The following SAMD5 variants were observed in gnomAD, a reference collection of about 807,000 sequenced individuals.
SAMD5 encodes the protein sterile alpha motif domain containing 5.
Under a neutral mutation model 11.3 loss-of-function variants are expected in SAMD5, and 13 were observed. The ratio of observed to expected loss-of-function variants is 1.15; its 90% CI spans 0.75 to 1.83. The LOEUF is 1.83. Ranked by LOEUF, SAMD5 falls within the 40% of genes most tolerant of loss-of-function variation. SAMD5 has a pLI of 0.00. For missense variants in SAMD5, 255 were observed against 239.1 expected (o/e 1.07, Z -0.44); for synonymous variants, 129 against 111.3 (o/e 1.16, Z -1.00).
intron 1 of SAMD5, among the ~76,000 whole-genome samples, chr6:147,703,858 C>G (rs944286710): frequency 2.0e-5 from 3 of 151,954 alleles, no homozygotes; most frequent in Non-Finnish European, 4.4e-5. Flanking sequence ...AGAAACACAC[C>G]TATTTATACT....
chr6:147,580,499 T>G (rs1372036458), intron 1 of SAMD5, among the ~76,000 whole-genome samples: 3 of 152,264 alleles, frequency 2.0e-5, no homozygotes, highest in African/African-American at 7.2e-5. Flanking sequence ...AGACTAGCAC[T>G]GTCAAATAGG....
At chr6:147,806,819 A>C in the SAMD5 span, among the ~76,000 whole-genome samples, 1 of 152,098 alleles carries the variant, frequency 6.6e-6, no homozygotes, top group East Asian at 1.9e-4. Flanking sequence ...ATATTTGAAG[A>C]TTGTATTTGG....
At chr6:147,526,371 G>A (rs1260531222) in intron 1 of SAMD5, among the ~76,000 whole-genome samples, 1 of 152,216 alleles carries the variant, frequency 6.6e-6, no homozygotes, top group African/African-American at 2.4e-5. Flanking sequence ...CTATGAATGT[G>A]CCCTAATGGA....
chr6:147,750,660 A>C, the SAMD5 span, among the ~76,000 whole-genome samples: 19 of 152,164 alleles, frequency 1.2e-4, no homozygotes, highest in African/African-American at 4.6e-4. Flanking sequence ...CACAGTGGCT[A>C]ACGCCTGTAA....
the SAMD5 span, among the ~76,000 whole-genome samples, chr6:147,758,691 C>A: frequency 3.9e-5 from 6 of 152,122 alleles, no homozygotes; most frequent in Non-Finnish European, 8.8e-5. Flanking sequence ...TACCTTCTCC[C>A]CAGTCAAAAT....
At chr6:147,798,143 C>A in the SAMD5 span, among the ~76,000 whole-genome samples, 26 of 144,030 alleles carry the variant, frequency 1.8e-4, no homozygotes, top group South Asian at 3.6e-3. Context: ...TTTTCTAGTT[C>A]TTTTAATTGT....
chr6:147,855,723 CA>C, the SAMD5 span, among the ~76,000 whole-genome samples: 2 of 152,054 alleles, frequency 1.3e-5, no homozygotes, highest in African/African-American at 2.4e-5. Flanking sequence ...CTTAGCTTAG[CA>C]TATTAATAAT....
chr6:147,885,591 CA>C, the SAMD5 span, among the ~76,000 whole-genome samples: 1 of 151,594 alleles, frequency 6.6e-6, no homozygotes, highest in Non-Finnish European at 1.5e-5. Flanking sequence ...TAAGGAAATG[CA>C]AAAAATTTAG....
At chr6:147,536,930 G>C (rs1265144607) in intron 1 of SAMD5, among the ~76,000 whole-genome samples, 1 of 151,944 alleles carries the variant, frequency 6.6e-6, no homozygotes, top group Non-Finnish European at 1.5e-5. Flanking sequence ...ACATTTAAGA[G>C]CACCTGTTAA....
intron 1 of SAMD5, among the ~76,000 whole-genome samples, chr6:147,530,700 G>A (rs1583070237): frequency 6.6e-6 from 1 of 152,188 alleles, no homozygotes; most frequent in South Asian, 2.1e-4. Context: ...AAGAATCACC[G>A]ACTGAAAAGA....
At chr6:147,655,913 C>T (rs1355655505) in intron 1 of SAMD5, among the ~76,000 whole-genome samples, 1 of 152,096 alleles carries the variant, frequency 6.6e-6, no homozygotes, top group Non-Finnish European at 1.5e-5. Flanking sequence ...CATTAGAAGC[C>T]ACAGTCTACA....
At chr6:147,693,455 T>G (rs780277568) in intron 1 of SAMD5, among the ~76,000 whole-genome samples, 1 of 152,204 alleles carries the variant, frequency 6.6e-6, no homozygotes, top group Non-Finnish European at 1.5e-5. Context: ...CGTCCTGCCC[T>G]GGGGCAATAA....
At chr6:147,877,542 T>C in the SAMD5 span, among the ~76,000 whole-genome samples, 5 of 152,202 alleles carry the variant, frequency 3.3e-5, no homozygotes, top group Non-Finnish European at 7.3e-5. Context: ...TCAATTTGGC[T>C]TGGCTATGGT....
At chr6:147,619,638 G>A (rs905981001) in intron 1 of SAMD5, among the ~76,000 whole-genome samples, 8 of 152,226 alleles carry the variant, frequency 5.3e-5, no homozygotes, top group Admixed American at 4.6e-4. Flanking sequence ...TAAGAGTGAG[G>A]AAGAGCTGGC....
At chr6:147,877,891 A>ATAGCTAGCTAGCTAGCTAGC in the SAMD5 span, among the ~76,000 whole-genome samples, 7 of 90,200 alleles carry the variant, frequency 7.8e-5, no homozygotes, top group East Asian at 3.1e-4. Flanking sequence ...CGATAGATAG[A>ATAGCTAGCTAGCTAGCTAGC]TAGCTAGATA....
intron 1 of SAMD5, among the ~76,000 whole-genome samples, chr6:147,611,529 C>T (rs1397400359): frequency 3.3e-5 from 5 of 152,108 alleles, no homozygotes; most frequent in African/African-American, 1.2e-4. Flanking sequence ...CACCACTGTA[C>T]TCCAGCCTGG....
chr6:147,714,143 GC>G (rs915424652), intron 1 of SAMD5, among the ~76,000 whole-genome samples: 5 of 152,122 alleles, frequency 3.3e-5, no homozygotes, highest in South Asian at 2.1e-4. Flanking sequence ...TACTAAATAG[GC>G]CCCCTCCCAC....
intron 1 of SAMD5, among the ~76,000 whole-genome samples, chr6:147,545,650 T>C (rs945888787): frequency 6.6e-6 from 1 of 152,190 alleles, no homozygotes; most frequent in Admixed American, 6.5e-5. Flanking sequence ...ATTATTCCTA[T>C]TACTAGTAAT....
chr6:147,687,717 TG>T lies in SAMD5; in HGVS notation c.163-49599del, dbSNP rs1324681313. 3.3e-5 allele frequency among the ~76,000 whole-genome samples: 5 copies of T among 152,334 alleles called. No homozygotes were observed. The East Asian group carries it at 7.7e-4, about 23-fold the overall frequency. ...TATTTATGAAGGATGTTGTTACACC[TG>T]TAGAGTGTTTTTGGCTGTCACTCAC... On this transcript the variant is annotated intron_variant, in intron 1 of 1. Coordinates refer to the SAMD5 transcript ENST00000566741.
Sources: gnomAD v4.1 joint callset for allele counts (sites outside exome capture counted in the v4.1 genomes callset) on GRCh38, gnomAD v4.1.1 for gene constraint, MANE v1.5 for transcripts, NCBI Gene and HGNC (gene_info 2026-07-23, HGNC 2026-07-21) for gene names.